Variants in USP43 observed in about 807,000 individuals in gnomAD.
USP43 encodes the protein ubiquitin carboxyl-terminal hydrolase 43.
In USP43, 33 loss-of-function variants were observed where a neutral mutation model predicts 90.7. That is an observed-to-expected ratio of 0.36 (90% CI 0.28 to 0.49). The LOEUF is 0.49. USP43 is among the 20% of genes least tolerant of loss of function. USP43 has a pLI of 0.98. For missense variants in USP43, 1,274 were observed against 1,476.4 expected (o/e 0.86, Z 2.25); for synonymous variants, 598 against 615.8 (o/e 0.97, Z 0.43).
intron 12 of USP43, among the ~76,000 whole-genome samples, chr17:9,703,965 C>G (rs371337522): frequency 6.6e-6 from 1 of 152,134 alleles, no homozygotes; most frequent in Admixed American, 6.5e-5. Flanking sequence ...GGAGTGCTTA[C>G]GTGTCAGGAA....
chr17:9,661,219 T>C (rs1352728575), intron 2 of USP43, among the ~76,000 whole-genome samples: 1 of 152,182 alleles, frequency 6.6e-6, no homozygotes, highest in African/African-American at 2.4e-5. Flanking sequence ...CAGTTTGCTT[T>C]CCAGAAAATG....
intron 6 of USP43, among the ~76,000 whole-genome samples, chr17:9,681,964 A>C (rs774492815): frequency 6.6e-6 from 1 of 152,196 alleles, no homozygotes; most frequent in African/African-American, 2.4e-5. Context: ...AGAACAAGAC[A>C]TTAACTGACA....
At chr17:9,647,901 G>A (rs2151959166) in intron 1 of USP43, among the ~76,000 whole-genome samples, 1 of 151,094 alleles carries the variant, frequency 6.6e-6, no homozygotes, top group East Asian at 1.9e-4. Context: ...GGCGCCTGTA[G>A]TCCCAGCTAC....
intron 14 of USP43, among the ~76,000 whole-genome samples, chr17:9,714,525 C>CA (rs35012232): frequency 0.42 from 62,895 of 150,762 alleles, 16,130 homozygotes; most frequent in African/African-American, 0.74. Context: ...ACTAAAAATA[C>CA]AAAAAAAATT....
intron 2 of USP43, among the ~76,000 whole-genome samples, chr17:9,665,721 A>T (rs1912996799): frequency 6.6e-6 from 1 of 152,226 alleles, no homozygotes. Context: ...GGATTATCCC[A>T]GTGGGCCCTA....
At chr17:9,654,710 CT>C (rs1166715747) in intron 1 of USP43, among the ~76,000 whole-genome samples, 2 of 148,916 alleles carry the variant, frequency 1.3e-5, no homozygotes, top group Admixed American at 6.7e-5. Flanking sequence ...TGCATTTTTG[CT>C]TTGTCTCATC....
chr17:9,692,011 C>G (rs1914984918), intron 8 of USP43, among the ~76,000 whole-genome samples: 1 of 151,336 alleles, frequency 6.6e-6, no homozygotes, highest in Non-Finnish European at 1.5e-5. Flanking sequence ...AACTGCACTC[C>G]AGCCTGGGCG....
chr17:9,686,696 T>C lies in USP43; in HGVS notation c.1242-102T>C, dbSNP rs1195112948. 9 of 947,154 alleles carry C rather than the reference T, an allele frequency of 9.5e-6. No homozygotes were observed. The East Asian group carries it at 2.4e-4, about 25-fold the overall frequency. The allele number at this position is 947,154 out of a possible 1,614,324, so 58.7% of individuals were successfully genotyped here. A position where few individuals can be genotyped will look rare whatever the true frequency, so the allele number is the denominator to read the frequency against. On this transcript the variant is annotated intron_variant, in intron 7 of 14. Transcript: ENST00000285199. This position sits in a 1 kb window ranked among gnomAD's most constrained non-coding sequence, Gnocchi z 5.5. ...GTTTTTGTGCTTAGCTCTTGTCACTTATCCTATTGACAGGAAGCCAGGGTT... is the reference window on the plus strand; with the variant it reads ...GTTTTTGTGCTTAGCTCTTGTCACTCATCCTATTGACAGGAAGCCAGGGTT...
At chr17:9,717,762 T>C (rs1356910653) in intron 14 of USP43, among the ~76,000 whole-genome samples, 3 of 151,942 alleles carry the variant, frequency 2.0e-5, no homozygotes, top group Admixed American at 6.6e-5. Flanking sequence ...CAAATAATTA[T>C]CTTACTCGTT....
chr17:9,659,705 G>C (rs536029515), intron 2 of USP43, among the ~76,000 whole-genome samples: 2 of 152,170 alleles, frequency 1.3e-5, no homozygotes, highest in Non-Finnish European at 2.9e-5. Context: ...AAAAGGCATT[G>C]ATTGGGCTTA....
intron 3 of USP43, among the ~76,000 whole-genome samples, chr17:9,673,225 A>G (rs951576475): frequency 9.9e-5 from 15 of 152,058 alleles, no homozygotes; most frequent in Admixed American, 3.9e-4. Flanking sequence ...GTTGCATTTC[A>G]GCCGGGGGCA....
intron 5 of USP43, among the ~76,000 whole-genome samples, chr17:9,677,287 A>T (rs866046243): frequency 6.6e-6 from 1 of 152,200 alleles, no homozygotes; most frequent in South Asian, 2.1e-4. Context: ...TGAGAGGTTA[A>T]GTGACTTGCC....
At chr17:9,704,916 G>T (rs980576342) in intron 12 of USP43, among the ~76,000 whole-genome samples, 3 of 152,018 alleles carry the variant, frequency 2.0e-5, no homozygotes, top group African/African-American at 7.3e-5. Context: ...TTTGCTTCTT[G>T]GAAGTGTGAT....
intron 1 of USP43, among the ~76,000 whole-genome samples, chr17:9,651,016 A>G (rs1911821524): frequency 6.6e-6 from 1 of 152,060 alleles, no homozygotes; most frequent in Non-Finnish European, 1.5e-5. Context: ...AAAGTTCATT[A>G]TATTGCTCTT....
Position 9,728,216 on chromosome 17 carries a change from G to A in USP43, c.2598G>A (p.Pro866=), listed in dbSNP as rs61729507. Residue 866 remains proline, a synonymous_variant, in exon 15 of 15, where the codon CCG becomes CCA. Coordinates refer to ENST00000285199, the MANE Select transcript of USP43 (RefSeq NM_153210.5). This position sits in a 1 kb window ranked among gnomAD's most constrained non-coding sequence, Gnocchi z 6.2. The part of the protein sequence containing the change: ...TAGEDEKSAS[P]RSNVALPANS... ...GTGAGGATGAGAAGTCAGCATCGCCGAGGTCCAACGTCGCCCTTCCTGCTA... is the reference window on the plus strand; with the variant it reads ...GTGAGGATGAGAAGTCAGCATCGCCAAGGTCCAACGTCGCCCTTCCTGCTA... 1,547 of 1,613,916 alleles carry A rather than the reference G, an allele frequency of 9.6e-4. 6 individuals carry two copies. The highest frequency in any genetic ancestry group is 4.3e-3 in the Middle Eastern group (26 of 6,062).
rs1160942498 is a variant in USP43 at position 9,645,670 on chromosome 17, C to A, written c.38C>A (p.Pro13Gln). Reference sequence around the variant, plus strand: ...CCCGGGGACGCGGCAGGAGGGGGACCGCTCGCGCCCCGGCCCCGCCGCCGC... The same window carrying A: ...CCCGGGGACGCGGCAGGAGGGGGACAGCTCGCGCCCCGGCCCCGCCGCCGC... The part of the protein sequence containing the change: ...LGPGDAAGGG[P>Q]LAPRPRRRRS... Residue 13 changes from proline to glutamine, a missense_variant, in exon 1 of 15, where the codon CCG becomes CAG. By Grantham distance (76) the Pro-to-Gln change is moderately conservative. Coordinates refer to ENST00000285199, the MANE Select transcript of USP43 (RefSeq NM_153210.5). The surrounding 1 kb of genome is among the most constrained non-coding windows in gnomAD (Gnocchi z 6.8). 3.1e-5 allele frequency: 40 copies of A among 1,272,874 alleles called. No individual in the cohort carries two copies. In the East Asian group the frequency reaches 1.3e-3, roughly 41 times the overall value. 78.8% of individuals were successfully genotyped at this position (1,272,874 alleles called of 1,614,324 possible). A position where few individuals can be genotyped will look rare whatever the true frequency, so the allele number is the denominator to read the frequency against.
chr17:9,681,473 T>A (rs1486017938), intron 6 of USP43, among the ~76,000 whole-genome samples: 19 of 18,002 alleles, frequency 1.1e-3, no homozygotes, highest in African/African-American at 0.01. Flanking sequence ...TATATATATA[T>A]ATATATATAT....
At chr17:9,657,249 G>A (rs1374925229) in intron 2 of USP43, among the ~76,000 whole-genome samples, 2 of 152,192 alleles carry the variant, frequency 1.3e-5, no homozygotes, top group African/African-American at 4.8e-5. Context: ...ACTCACGCCT[G>A]TAATCCCAGC....
At chr17:9,670,297 C>G (rs1597831048) in intron 3 of USP43, among the ~76,000 whole-genome samples, 2 of 152,224 alleles carry the variant, frequency 1.3e-5, no homozygotes, top group East Asian at 3.9e-4. Context: ...CCTCGGCCTC[C>G]CAAAGTGCTG....
Sources: allele counts gnomAD v4.1 joint callset (sites outside exome capture counted in the v4.1 genomes callset), GRCh38; gene constraint gnomAD v4.1.1; non-coding constraint Gnocchi (gnomAD v3.1); transcripts MANE v1.5; gene names NCBI Gene and HGNC (gene_info 2026-07-23, HGNC 2026-07-21).